HIP1: variants seen among roughly 807,000 people sequenced by gnomAD.
HIP1 encodes huntingtin interacting protein 1, also known as huntingtin-interacting protein 1.
Under a neutral mutation model 147.6 loss-of-function variants are expected in HIP1, and 65 were observed. That is an observed-to-expected ratio of 0.44 (90% confidence interval 0.36 to 0.54). The LOEUF (loss-of-function observed/expected upper bound fraction) is 0.54, where lower values mean the gene tolerates loss of function less well. Ranked by LOEUF, HIP1 falls within the 20% of genes least tolerant of loss-of-function variation. The pLI, the probability that HIP1 is intolerant of heterozygous loss-of-function variation, is 0.00. For synonymous variants in HIP1, 479 were observed against 504.0 expected, an observed-to-expected ratio of 0.95 and a Z score of 0.67; for missense variants, 1,061 against 1,299.6, an observed-to-expected ratio of 0.82 and a Z score of 2.82.
At chr7:75,630,797 G>A (rs1798187044) in intron 1 of HIP1, among the ~76,000 whole-genome samples, 1 of 152,090 alleles carries the variant, frequency 6.6e-6, no homozygotes, top group Non-Finnish European at 1.5e-5. Flanking sequence ...CCGGCAGACT[G>A]AGCTCACCCA....
chr7:75,664,026 GTGTA>G lies in HIP1; in HGVS notation c.121-64783_121-64780del, dbSNP rs1799426248. On this transcript the variant is annotated intron_variant, in intron 1 of 30. Transcript: ENST00000336926. ...TATGTGTATATATATACACATATAT[GTGTA>G]TATATATACACATATATGTGTATAT... Among the ~76,000 whole-genome samples the G allele has an allele frequency of 2.4e-4, 5 of 20,462 alleles. 1 individual carries two copies. Among genetic ancestry groups the G allele is most frequent in the South Asian group, 1.4e-3 (1 of 692 alleles). 13.4% of individuals were successfully genotyped at this position (20,462 alleles called of 152,430 possible).
intron 1 of HIP1, among the ~76,000 whole-genome samples, chr7:75,730,491 C>T (rs1563317986): frequency 6.6e-6 from 1 of 151,926 alleles, no homozygotes; most frequent in African/African-American, 2.4e-5. Flanking sequence ...AGGCGCACGC[C>T]ACCACGCCCA....
chr7:75,612,202 G>C (rs1554505114), intron 1 of HIP1, among the ~76,000 whole-genome samples: 2 of 152,172 alleles, frequency 1.3e-5, no homozygotes, highest in South Asian at 4.1e-4. Context: ...AGATGGGAAA[G>C]GAGAAGGGCA....
chr7:75,557,178 A>G (rs1554493563), intron 16 of HIP1, among the ~76,000 whole-genome samples: 1 of 151,984 alleles, frequency 6.6e-6, no homozygotes, highest in East Asian at 1.9e-4. Flanking sequence ...AGCTGGGACT[A>G]CGGGCACACG....
At chr7:75,629,582 G>A (rs1321389587) in intron 1 of HIP1, among the ~76,000 whole-genome samples, 2 of 148,012 alleles carry the variant, frequency 1.4e-5, no homozygotes, top group African/African-American at 2.5e-5. Flanking sequence ...TTGCTCTGTC[G>A]CCCAGGCTGC....
intron 1 of HIP1, among the ~76,000 whole-genome samples, chr7:75,609,948 G>A (rs1797370524): frequency 6.8e-6 from 1 of 146,082 alleles, no homozygotes; most frequent in Admixed American, 7.1e-5. Flanking sequence ...TGTTGCCCAG[G>A]TTAGAGTGCA....
At chr7:75,719,664 ACTCGCCTTGGC>A (rs1282460737) in intron 1 of HIP1, among the ~76,000 whole-genome samples, 2 of 151,828 alleles carry the variant, frequency 1.3e-5, no homozygotes, top group East Asian at 3.9e-4. Flanking sequence ...CAAGTGATCC[ACTCGCCTTGGC>A]CTCCCAAAGT....
intron 1 of HIP1, among the ~76,000 whole-genome samples, chr7:75,603,101 C>T (rs1249948550): frequency 2.0e-5 from 3 of 151,984 alleles, no homozygotes; most frequent in African/African-American, 7.2e-5. Context: ...CATCCCAGCA[C>T]TTTGAGAGGC....
At chr7:75,547,910 GA>G in intron 23 of HIP1, 97 bp from the exon 24 acceptor site, 1 of 1,129,496 alleles carries the variant, frequency 8.9e-7, no homozygotes, top group Non-Finnish European at 1.3e-6. Flanking sequence ...TGGTAGCTGG[GA>G]AACCTGAATC....
chr7:75,725,081 G>A (rs782683989), intron 1 of HIP1, among the ~76,000 whole-genome samples: 6 of 152,014 alleles, frequency 3.9e-5, no homozygotes, highest in Non-Finnish European at 7.4e-5. Context: ...GCTGGAGTAC[G>A]GTGGTGCCAT....
chr7:75,706,623 A>ATTTTTTTTTTTTTTT (rs71082342), intron 1 of HIP1, among the ~76,000 whole-genome samples: 2 of 103,638 alleles, frequency 1.9e-5, no homozygotes, highest in Non-Finnish European at 3.8e-5. Flanking sequence ...TCAACTCGTC[A>ATTTTTTTTTTTTTTT]TTTTTTTTTT....
At chr7:75,736,065 T>C (rs1548522) in intron 1 of HIP1, among the ~76,000 whole-genome samples, 100,996 of 147,382 alleles carry the variant, frequency 0.69, 34,612 homozygotes, top group African/African-American at 0.78. Flanking sequence ...ACCTCCGTCT[T>C]AAAAAAAAAA....
At chr7:75,658,053 C>CTTT in intron 1 of HIP1, among the ~76,000 whole-genome samples, 1 of 152,138 alleles carries the variant, frequency 6.6e-6, no homozygotes, top group South Asian at 2.1e-4. Context: ...ACTCTACACC[C>CTTT]TGGGACACTC....
In HIP1 at chr7:75,534,680, C is replaced by T. The variant is rs1167184221; in HGVS notation, c.*3492G>A. On this transcript the variant is annotated 3_prime_UTR_variant, in exon 31 of 31. Coordinates refer to ENST00000336926, the MANE Select transcript of HIP1 (RefSeq NM_005338.7). ...AACTCCTGACCTCAGGTGATCCACCCGCCCCTGCCTCCCAAAGTGCTGGGA... is the reference window on the plus strand; with the variant it reads ...AACTCCTGACCTCAGGTGATCCACCTGCCCCTGCCTCCCAAAGTGCTGGGA... 2.8e-5 allele frequency: 5 copies of T among 178,242 alleles called. No individual in the cohort carries two copies. The highest frequency in any genetic ancestry group is 3.6e-5 in the Non-Finnish European group (3 of 83,056). The allele number at this position is 178,242 out of a possible 1,614,324, so 11.0% of individuals were successfully genotyped here.
chr7:75,674,780 C>T (rs9801162), intron 1 of HIP1, among the ~76,000 whole-genome samples: 10,597 of 151,564 alleles, frequency 0.07, 611 homozygotes, highest in Admixed American at 0.19. Flanking sequence ...CGTGAGCCAC[C>T]GTGCCAGGCC....
chr7:75,684,106 C>A (rs1554517272), intron 1 of HIP1, among the ~76,000 whole-genome samples: 1 of 151,314 alleles, frequency 6.6e-6, no homozygotes, highest in East Asian at 2.0e-4. Context: ...GAGTTCAAGA[C>A]CAGCCTGAGC....
chr7:75,640,467 CGCCTGTAATCCCAGCACTTTAG>C (rs1455525843), intron 1 of HIP1, among the ~76,000 whole-genome samples: 5 of 152,194 alleles, frequency 3.3e-5, no homozygotes, highest in South Asian at 2.1e-4. Context: ...GGCGGGCTCA[CGCCTGTAATCCCAGCACTTTAG>C]GCCTGTAATC....
At chr7:75,691,210 C>T (rs951356917) in intron 1 of HIP1, among the ~76,000 whole-genome samples, 4 of 152,098 alleles carry the variant, frequency 2.6e-5, no homozygotes, top group African/African-American at 9.7e-5. Context: ...AGAAAAGGGC[C>T]GGGCATGGTG....
At chr7:75,552,351 C>G (rs1554492290) in intron 22 of HIP1, among the ~76,000 whole-genome samples, 1 of 151,996 alleles carries the variant, frequency 6.6e-6, no homozygotes, top group Non-Finnish European at 1.5e-5. Context: ...GTATACAGGA[C>G]ATATTTATTT....
Sources: gnomAD v4.1 joint callset for allele counts (sites outside exome capture counted in the v4.1 genomes callset) on GRCh38, gnomAD v4.1.1 for gene constraint, MANE v1.5 for transcripts, NCBI Gene and HGNC (gene_info 2026-07-23, HGNC 2026-07-21) for gene names.